Variants in CREBBP observed in about 807,000 individuals in gnomAD.
CREBBP encodes CREB-binding protein.
CREBBP carries 19 observed loss-of-function variants against 265.0 expected under a neutral mutation model. The observed-to-expected ratio is 0.07, with a 90% CI of 0.05 to 0.11. CREBBP has a LOEUF of 0.11. Among genes scored for constraint, CREBBP ranks in the 10% least tolerant of loss-of-function variants. CREBBP has a pLI of 1.00. For missense variants in CREBBP, 2,525 were observed against 3,219.0 expected (o/e 0.78, Z 5.22); for synonymous variants, 1,457 against 1,223.7 (o/e 1.19, Z -3.98).
chr16:3,777,468 T>C (rs1221048336), intron 11 of CREBBP, 145 bp downstream of exon 11: 4 of 845,608 alleles, frequency 4.7e-6, no homozygotes, highest in Non-Finnish European at 8.0e-6. Context: ...ATACTACCTG[T>C]AGAACTGAAT....
chr16:3,772,754 T>C (rs998486707), intron 13 of CREBBP, among the ~76,000 whole-genome samples: 1 of 151,960 alleles, frequency 6.6e-6, no homozygotes, highest in Non-Finnish European at 1.5e-5. Context: ...TAATGACTTA[T>C]GCAGCATTAT....
At chr16:3,741,479 G>C (rs888107694) in intron 23 of CREBBP, 8 of 152,166 alleles carry the variant, frequency 5.3e-5, no homozygotes, top group African/African-American at 1.9e-4. Flanking sequence ...GCTGATTTTT[G>C]GATAAGTTGT....
rs184111765 is a variant in CREBBP, at chr16:3,725,568, G to A, written c.*2150C>T. Reference sequence around the variant, plus strand: ...AGCAGTGGCAGCAATCTCCACCGGAGGCCCGGCCTGTGCTTCCCCTCCTGG... The same window carrying A: ...AGCAGTGGCAGCAATCTCCACCGGAAGCCCGGCCTGTGCTTCCCCTCCTGG... On this transcript the variant is annotated 3_prime_UTR_variant, in exon 31 of 31. Transcript: ENST00000262367. 6.3e-3 allele frequency: 1,470 copies of A among 233,314 alleles called. 8 individuals are homozygous for A. The highest frequency in any genetic ancestry group is 9.5e-3 in the Non-Finnish European group (1,122 of 118,044). The allele number at this position is 233,314 out of a possible 1,614,324, so 14.5% of individuals were successfully genotyped here.
At chr16:3,793,170 C>G (rs751464381) in intron 4 of CREBBP, among the ~76,000 whole-genome samples, 1 of 152,228 alleles carries the variant, frequency 6.6e-6, no homozygotes, top group Non-Finnish European at 1.5e-5. Flanking sequence ...CACAGAGTAT[C>G]AGAAAACCAA....
At chr16:3,816,198 T>C (rs929032990) in intron 2 of CREBBP, among the ~76,000 whole-genome samples, 4 of 152,292 alleles carry the variant, frequency 2.6e-5, no homozygotes, top group Admixed American at 1.3e-4. Context: ...AATTAAACAA[T>C]GCCTCACAGC....
intron 2 of CREBBP, among the ~76,000 whole-genome samples, chr16:3,815,621 A>T (rs2054023337): frequency 6.8e-6 from 1 of 146,706 alleles, no homozygotes; most frequent in African/African-American, 2.5e-5. Flanking sequence ...TAATGCTGCT[A>T]GAGAACCTCT....
Position 3,728,301 on chromosome 16 carries a change from C to CGCTGCT in CREBBP, c.6740_6745dup (p.Gln2247_Gln2248dup). The CGCTGCT allele has an allele frequency of 1.2e-6, 2 of 1,611,752 alleles. No homozygotes were observed. The highest frequency in any genetic ancestry group is 1.7e-6 in the Non-Finnish European group (2 of 1,179,538). ...CTGGAGGGGGAGATGCTGCTGCATG[C>CGCTGCT]GCTGCTGCTGCTGCATGGCCGGTGG... On this transcript the variant is annotated inframe_insertion, in exon 31 of 31. Transcript: ENST00000262367. This position sits in a 1 kb window ranked among gnomAD's most constrained non-coding sequence, Gnocchi z 8.7.
intron 2 of CREBBP, among the ~76,000 whole-genome samples, chr16:3,850,051 G>C (rs939151919): frequency 2.0e-5 from 3 of 152,124 alleles, no homozygotes; most frequent in African/African-American, 4.8e-5. Context: ...GGACACATTA[G>C]GCCCTGTACT....
At chr16:3,775,746 T>C (rs945051867) in intron 11 of CREBBP, among the ~76,000 whole-genome samples, 2 of 151,968 alleles carry the variant, frequency 1.3e-5, no homozygotes, top group African/African-American at 4.8e-5. Context: ...GGTAGGGAGG[T>C]TGCTAAGTGC....
At chr16:3,786,841 G>A (rs950792639) in intron 5 of CREBBP, among the ~76,000 whole-genome samples, 2 of 152,106 alleles carry the variant, frequency 1.3e-5, no homozygotes, top group African/African-American at 4.8e-5. Context: ...GGAGTATGAG[G>A]GTGGGGAGAT....
intron 18 of CREBBP, 124 bp downstream of exon 18, chr16:3,757,685 G>T: frequency 7.3e-7 from 1 of 1,377,450 alleles, no homozygotes; most frequent in Non-Finnish European, 1.0e-6. Flanking sequence ...CATCAACTGT[G>T]TCACCAGACA....
rs2141493329 is a variant in CREBBP at position 3,850,616 on chromosome 16, C to A, written c.479G>T (p.Gly160Val). 3 of 1,614,242 alleles carry A rather than the reference C, an allele frequency of 1.9e-6. No homozygotes were observed. Among genetic ancestry groups the A allele is most frequent in the Non-Finnish European group, 1.7e-6 (2 of 1,180,052 alleles). The part of the protein sequence containing the change: ...ALNPQAQKQV[G>V]LATSSPATSQ... ...CGTGGCAGGGCTGCTAGTCGCCAGC[C>A]CCACTTGCTTTTGTGCTTGCGGATT... Residue 160 changes from glycine to valine, a missense_variant, in exon 2 of 31, where the codon GGG becomes GTG. Around this residue, in one of 19 missense-constraint regions of CREBBP, gnomAD observed 356 missense variants for 340.4 expected, o/e 1.05. Transcript: ENST00000262367.
At chr16:3,801,640 A>G (rs966453793) in intron 3 of CREBBP, among the ~76,000 whole-genome samples, 12 of 152,184 alleles carry the variant, frequency 7.9e-5, no homozygotes, top group African/African-American at 2.9e-4. Context: ...ACTGCACTCC[A>G]GCTTGTGCAA....
rs2151336447 is a variant in CREBBP at position 3,739,566 on chromosome 16, C to G, written c.4280+12G>C. The G allele has an allele frequency of 1.2e-6, 2 of 1,614,180 alleles. No homozygotes were observed. Among genetic ancestry groups the G allele is most frequent in the Middle Eastern group, 1.7e-4 (1 of 6,054 alleles). ...ACTGAATGACACGCCCTGGAAGGAG[C>G]TGGAAAACTACCTCGTGTTTGGAGG... On this transcript the variant is annotated intron_variant, in intron 25 of 30. Coordinates refer to ENST00000262367, the MANE Select transcript of CREBBP (RefSeq NM_004380.3).
At chr16:3,747,450 T>A (rs376451350) in intron 21 of CREBBP, among the ~76,000 whole-genome samples, 19 of 152,310 alleles carry the variant, frequency 1.2e-4, no homozygotes, top group African/African-American at 4.3e-4. Context: ...AAATGTCATC[T>A]TGTCCAGGAA....
At chr16:3,763,268 A>T (rs1471649428) in intron 16 of CREBBP, among the ~76,000 whole-genome samples, 1 of 151,358 alleles carries the variant, frequency 6.6e-6, no homozygotes, top group Non-Finnish European at 1.5e-5. Flanking sequence ...CAACCCTCCT[A>T]ATTCAGCCTC....
At chr16:3,759,142 C>A (rs563007543) in intron 16 of CREBBP, among the ~76,000 whole-genome samples, 170 bp from the exon 17 acceptor site, 1 of 152,334 alleles carries the variant, frequency 6.6e-6, no homozygotes, top group African/African-American at 2.4e-5. Context: ...TGAAAACACA[C>A]TAGTGTCAGA....
intron 2 of CREBBP, among the ~76,000 whole-genome samples, chr16:3,843,473 T>G (rs1003454868): frequency 6.6e-6 from 1 of 151,850 alleles, no homozygotes; most frequent in Admixed American, 6.6e-5. Context: ...TATGCTTGAT[T>G]GTAGTGGTGT....
intron 2 of CREBBP, among the ~76,000 whole-genome samples, chr16:3,817,963 GCTGGTTC>G (rs1455549963): frequency 6.6e-6 from 1 of 152,212 alleles, no homozygotes; most frequent in Non-Finnish European, 1.5e-5. Flanking sequence ...GGAAGGGCAA[GCTGGTTC>G]CTCATCTCAC....
Sources: gnomAD v4.1 joint callset for allele counts (sites outside exome capture counted in the v4.1 genomes callset) on GRCh38, gnomAD v4.1.1 for gene constraint, gnomAD v4.1.1 regional missense constraint, Gnocchi (gnomAD v3.1) non-coding constraint, MANE v1.5 for transcripts, NCBI Gene and HGNC (gene_info 2026-07-23, HGNC 2026-07-21) for gene names.